The following CACUL1 variants were observed in gnomAD, a reference collection of about 807,000 sequenced individuals.
CACUL1 encodes CDK2 associated cullin domain 1, also known as CDK2-associated and cullin domain-containing protein 1.
Under a neutral mutation model 45.2 loss-of-function variants are expected in CACUL1, and 13 were observed. The observed-to-expected ratio is 0.29, with a 90% confidence interval of 0.19 to 0.46. The LOEUF is 0.46. Ranked by LOEUF, CACUL1 falls within the 20% of genes least tolerant of loss-of-function variation. CACUL1 has a pLI of 1.00. For synonymous variants in CACUL1, 197 were observed against 174.2 expected (o/e 1.13, Z -1.03); for missense variants, 421 against 471.4 (o/e 0.89, Z 0.99).
chr10:118,690,003 G>C (rs1845246294), intron 7 of CACUL1, among the ~76,000 whole-genome samples: 1 of 152,112 alleles, frequency 6.6e-6, no homozygotes, highest in Admixed American at 6.5e-5. Context: ...AGATTATTTT[G>C]CATTTATTTA....
chr10:118,745,735 G>A (rs900052798), intron 1 of CACUL1, among the ~76,000 whole-genome samples: 1 of 152,118 alleles, frequency 6.6e-6, no homozygotes, highest in Non-Finnish European at 1.5e-5. Flanking sequence ...ACCATATGTT[G>A]TCTACAAGAA....
At chr10:118,723,750 C>G (rs932171712) in intron 3 of CACUL1, among the ~76,000 whole-genome samples, 1 of 152,092 alleles carries the variant, frequency 6.6e-6, no homozygotes, top group African/African-American at 2.4e-5. Flanking sequence ...TAAGCTTAAT[C>G]GAGGCTCTAG....
chr10:118,701,495 CAA>C, intron 4 of CACUL1, 87 bp from the exon 5 acceptor site: 1 of 652,634 alleles, frequency 1.5e-6, no homozygotes, highest in South Asian at 3.1e-5. Context: ...TTTTAGAAAA[CAA>C]TGCATAAAGG....
rs1564836495 is a variant in CACUL1, at chr10:118,729,412, A to G, written c.495-15T>C. 3 of 1,581,094 alleles carry G rather than the reference A, an allele frequency of 1.9e-6. No homozygotes were observed. The highest frequency in any genetic ancestry group is 3.3e-4 in the Middle Eastern group (2 of 6,006). ...TATACACACAACTGTAAAACAAACA[A>G]AAACCCCCACAAACCAAGTTAATCA... On this transcript the variant is annotated splice_polypyrimidine_tract_variant and intron_variant, in intron 2 of 8. Transcript: ENST00000369151.
At chr10:118,720,845 G>A (rs970382223) in intron 3 of CACUL1, among the ~76,000 whole-genome samples, 4 of 152,176 alleles carry the variant, frequency 2.6e-5, no homozygotes, top group African/African-American at 7.2e-5. Context: ...TTGAATGATC[G>A]AGGGTTAGGG....
At chr10:118,747,864 C>T (rs1482495308) in intron 1 of CACUL1, among the ~76,000 whole-genome samples, 1 of 152,124 alleles carries the variant, frequency 6.6e-6, no homozygotes, top group African/African-American at 2.4e-5. Flanking sequence ...GCAGGTAGAT[C>T]ACTTGGGGCC....
rs1845156196 is a variant in CACUL1 at position 118,681,793 on chromosome 10, A to G, written c.*4335T>C. The G allele has an allele frequency of 6.6e-6, 1 of 152,394 alleles. No homozygotes were observed. The highest frequency in any genetic ancestry group is 1.5e-5 in the Non-Finnish European group (1 of 68,118). 9.4% of individuals were successfully genotyped at this position (152,394 alleles called of 1,614,324 possible). A position where few individuals can be genotyped will look rare whatever the true frequency, so the allele number is the denominator to read the frequency against. On this transcript the variant is annotated 3_prime_UTR_variant, in exon 9 of 9. Transcript: ENST00000369151. ...CTGAAAAGAGGTTCAAGGTGGGTCAAGGTGGGTCTTGGCCAGTGGAGGAAG... is the reference window on the plus strand; with the variant it reads ...CTGAAAAGAGGTTCAAGGTGGGTCAGGGTGGGTCTTGGCCAGTGGAGGAAG...
chr10:118,718,273 C>T (rs1845565685), intron 3 of CACUL1, among the ~76,000 whole-genome samples: 1 of 152,128 alleles, frequency 6.6e-6, no homozygotes, highest in Non-Finnish European at 1.5e-5. Flanking sequence ...CTTGCTTACT[C>T]CCAAGGTTCC....
At chr10:118,729,427 C>T (rs191396199) in intron 2 of CACUL1, 30 bp from the exon 3 acceptor site, 2 of 1,505,484 alleles carry the variant, frequency 1.3e-6, no homozygotes, top group Non-Finnish European at 9.2e-7. Flanking sequence ...CCCCACAAAC[C>T]AAGTTAATCA....
intron 3 of CACUL1, among the ~76,000 whole-genome samples, chr10:118,723,395 T>C (rs955196175): frequency 3.3e-5 from 5 of 152,180 alleles, no homozygotes; most frequent in African/African-American, 1.2e-4. Context: ...TGTCACGAGT[T>C]TTGATTATAT....
At chr10:118,735,584 A>T (rs2119654275) in intron 1 of CACUL1, among the ~76,000 whole-genome samples, 1 of 152,340 alleles carries the variant, frequency 6.6e-6, no homozygotes. Context: ...GCAGCCCTGG[A>T]CAGCCAGGGT....
intron 1 of CACUL1, among the ~76,000 whole-genome samples, chr10:118,747,536 CAAAAA>C (rs3061057): frequency 1.3e-5 from 1 of 77,934 alleles, no homozygotes; most frequent in African/African-American, 5.1e-5. Context: ...TTTGGTAAAT[CAAAAA>C]AAAAAAAAAA....
At position 118,728,339 on chromosome 10, in the gene CACUL1, G is replaced by A. The variant is rs576455232; in HGVS notation, c.597+956C>T. Among the ~76,000 whole-genome samples, 19 of 150,120 alleles carry A rather than the reference G, an allele frequency of 1.3e-4. 1 individual carries two copies. In the East Asian group the frequency reaches 3.7e-3, roughly 29 times the overall value. ...TTTCTTTTTTTTTTTTTTTGAGACG[G>A]AGTCTTGCTCTGTCGCCAGGCTGGA... On this transcript the variant is annotated intron_variant, in intron 3 of 8. Transcript: ENST00000369151.
At chr10:118,718,795 G>A (rs532488794) in intron 3 of CACUL1, among the ~76,000 whole-genome samples, 346 of 151,912 alleles carry the variant, frequency 2.3e-3, no homozygotes, top group Non-Finnish European at 3.3e-3. Flanking sequence ...GGATGGTCTC[G>A]ACCTCCTGAC....
chr10:118,701,437 T>G (rs1269110574), intron 4 of CACUL1, 29 bp from the exon 5 acceptor site: 1 of 1,307,968 alleles, frequency 7.6e-7, no homozygotes, highest in Non-Finnish European at 1.1e-6. Flanking sequence ...TCTTTTTTTG[T>G]GTATTAATTG....
chr10:118,720,923 T>C (rs555539657), intron 3 of CACUL1, among the ~76,000 whole-genome samples: 12 of 151,808 alleles, frequency 7.9e-5, no homozygotes, highest in Admixed American at 1.3e-4. Context: ...AGGAAAAAAA[T>C]AGATCTCCAC....
At chr10:118,696,535 T>G (rs1312904860) in intron 5 of CACUL1, among the ~76,000 whole-genome samples, 1 of 152,142 alleles carries the variant, frequency 6.6e-6, no homozygotes, top group Admixed American at 6.5e-5. Flanking sequence ...TCCCAGCTAC[T>G]CAGGAGGCTG....
chr10:118,689,016 A>G (rs1451277128), intron 7 of CACUL1, among the ~76,000 whole-genome samples: 1 of 152,252 alleles, frequency 6.6e-6, no homozygotes, highest in Non-Finnish European at 1.5e-5. Flanking sequence ...AAAAGTGCCC[A>G]TAACAATGAA....
intron 3 of CACUL1, among the ~76,000 whole-genome samples, chr10:118,728,249 T>C (rs372971510): frequency 1.8e-4 from 28 of 152,142 alleles, no homozygotes; most frequent in African/African-American, 2.4e-4. Context: ...ACTGTGGTTA[T>C]TTCAAAACTG....
Sources: gnomAD v4.1 joint callset for allele counts (sites outside exome capture counted in the v4.1 genomes callset) on GRCh38, gnomAD v4.1.1 for gene constraint, MANE v1.5 for transcripts, NCBI Gene and HGNC (gene_info 2026-07-23, HGNC 2026-07-21) for gene names.